The following NSD1 variants were observed in gnomAD, a reference collection of about 807,000 sequenced individuals.
The protein encoded by NSD1 is nuclear receptor binding SET domain protein 1.
A neutral mutation model predicts 242.7 loss-of-function variants in NSD1; 26 were observed. That is an observed-to-expected ratio of 0.11 (90% confidence interval 0.08 to 0.15). NSD1 has a LOEUF of 0.15. Among genes scored for constraint, NSD1 ranks in the 10% least tolerant of loss-of-function variants. NSD1 has a pLI of 1.00. For missense variants in NSD1, 2,495 were observed against 3,272.8 expected (o/e 0.76, Z 5.80); for synonymous variants, 1,106 against 1,178.1 (o/e 0.94, Z 1.25).
At chr5:177,144,772 C>T (rs901491827) in intron 2 of NSD1, among the ~76,000 whole-genome samples, 2 of 152,086 alleles carry the variant, frequency 1.3e-5, no homozygotes, top group African/African-American at 4.8e-5. Context: ...TTCCTATGAA[C>T]CTTTTTGAAT....
At chr5:177,157,594 A>G (rs764846056) in intron 2 of NSD1, among the ~76,000 whole-genome samples, 6 of 152,120 alleles carry the variant, frequency 3.9e-5, no homozygotes, top group Non-Finnish European at 7.3e-5. Context: ...CCTACTCAGG[A>G]CGCTGAGTCT....
intron 2 of NSD1, among the ~76,000 whole-genome samples, chr5:177,188,217 G>A (rs377670829): frequency 6.6e-6 from 1 of 152,168 alleles, no homozygotes; most frequent in African/African-American, 2.4e-5. Flanking sequence ...GTCTCTGCAA[G>A]ATAAAATTTT....
intron 16 of NSD1, among the ~76,000 whole-genome samples, chr5:177,271,767 CTGGG>C (rs1757958847): frequency 6.6e-6 from 1 of 151,984 alleles, no homozygotes; most frequent in Non-Finnish European, 1.5e-5. Context: ...AAACTTTAGC[CTGGG>C]ACATTGTTGG....
In NSD1 at chr5:177,291,995, G is replaced by A. The variant is rs1759873002; in HGVS notation, c.6300G>A (p.Lys2100=). Residue 2100 remains lysine (K), a synonymous_variant, in exon 22 of 23, where the codon AAG becomes AAA. Coordinates refer to ENST00000439151, the MANE Select transcript of NSD1 (RefSeq NM_022455.5). The part of the protein sequence containing the change: ...IATEEKSKKF[K]KKQQGKRRTQ... Reference sequence around the variant, plus strand: ...CGGAAGAAAAGTCAAAGAAATTCAAGAAGAAGCAACAGGGAAAGCGCAGGA... The same window carrying A: ...CGGAAGAAAAGTCAAAGAAATTCAAAAAGAAGCAACAGGGAAAGCGCAGGA... 4.3e-6 allele frequency: 7 copies of A among 1,613,996 alleles called. No individual in the cohort carries two copies. The highest frequency in any genetic ancestry group is 5.9e-6 in the Non-Finnish European group (7 of 1,179,924).
At chr5:177,137,942 G>T (rs1756475059) in intron 2 of NSD1, among the ~76,000 whole-genome samples, 1 of 151,966 alleles carries the variant, frequency 6.6e-6, no homozygotes, top group Non-Finnish European at 1.5e-5. Context: ...GGGCGTGATG[G>T]TGGGCAACTG....
chr5:177,294,265 C>T lies in NSD1; in HGVS notation c.6897C>T (p.Leu2299=), dbSNP rs768193868. 37 of 1,613,450 alleles carry T rather than the reference C, an allele frequency of 2.3e-5. No individual in the cohort carries two copies. The highest frequency in any genetic ancestry group is 4.5e-5 in the East Asian group (2 of 44,898). ...RPQPLDKVRD[L]AGSGTKSQSL... is the part of the protein sequence containing the mutation. ...AGCCTTTAGATAAGGTCAGAGACCT[C>T]GCTGGGTCAGGGACCAAATCCCAAT... Residue 2299 remains leucine (L), a synonymous_variant, in exon 23 of 23, where the codon CTC becomes CTT. Coordinates refer to ENST00000439151, the MANE Select transcript of NSD1 (RefSeq NM_022455.5).
intron 12 of NSD1, among the ~76,000 whole-genome samples, chr5:177,254,788 T>G (rs1347777696): frequency 2.7e-5 from 1 of 37,690 alleles, no homozygotes; most frequent in Non-Finnish European, 6.2e-5. Flanking sequence ...CTGTGATGTG[T>G]TTTGTATTAA....
At chr5:177,186,051 A>AC (rs1761182524) in intron 2 of NSD1, among the ~76,000 whole-genome samples, 2 of 102,234 alleles carry the variant, frequency 2.0e-5, no homozygotes. Context: ...TATAATATAT[A>AC]ATATAACATA....
Position 177,210,498 on chromosome 5 carries a change from A to G in NSD1, c.2099A>G (p.Gln700Arg), listed in dbSNP as rs2149844607. 2 of 1,614,252 alleles carry G rather than the reference A, an allele frequency of 1.2e-6. No homozygotes were observed. Among genetic ancestry groups the G allele is most frequent in the Middle Eastern group, 1.6e-4 (1 of 6,062 alleles). Residue 700 changes from glutamine to arginine, a missense_variant, in exon 5 of 23, where the codon CAG becomes CGG. Around this residue, in one of 19 missense-constraint regions of NSD1, gnomAD observed 515 missense variants for 467.0 expected, o/e 1.10. Transcript: ENST00000439151. ...AATNTRVKAK[Q>R]KPLISNSHTD... ...ACAAACACTAGGGTAAAAGCAAAACAGAAGCCTCTCATTAGTAACTCACAT... is the reference window on the plus strand; with the variant it reads ...ACAAACACTAGGGTAAAAGCAAAACGGAAGCCTCTCATTAGTAACTCACAT...
At chr5:177,275,435 C>CTT (rs749631943) in intron 17 of NSD1, among the ~76,000 whole-genome samples, 13,555 of 50,138 alleles carry the variant, frequency 0.27, 5,717 homozygotes, top group Non-Finnish European at 0.36. Context: ...CTTCCCTTGT[C>CTT]TTTTTTTTTT....
rs111663030 is a variant in NSD1, at chr5:177,212,217, A to T, written c.3796+22A>T. 1,193 of 857,108 alleles carry T rather than the reference A, an allele frequency of 1.4e-3. 1 individual carries two copies. The highest frequency in any genetic ancestry group is 1.8e-3 in the Non-Finnish European group (1,078 of 601,422). 53.1% of individuals were successfully genotyped at this position (857,108 alleles called of 1,614,324 possible). On this transcript the variant is annotated intron_variant, in intron 5 of 22. Transcript: ENST00000439151. ...CCAGGTAAGGACATCTAAATGTGAT[A>T]AAAAAAAAAAAATTGGAGAAAGTGC...
intron 2 of NSD1, among the ~76,000 whole-genome samples, chr5:177,176,879 G>A (rs1760250822): frequency 6.6e-6 from 1 of 152,094 alleles, no homozygotes; most frequent in African/African-American, 2.4e-5. Flanking sequence ...TCCATTTCTT[G>A]GGGATCAGTC....
intron 3 of NSD1, among the ~76,000 whole-genome samples, chr5:177,196,475 A>C (rs1486571922): frequency 6.6e-6 from 1 of 152,218 alleles, no homozygotes; most frequent in East Asian, 1.9e-4. Flanking sequence ...CATCTGATGT[A>C]GTAATGCATT....
chr5:177,273,380 A>G (rs183739995), intron 16 of NSD1, among the ~76,000 whole-genome samples: 4 of 152,118 alleles, frequency 2.6e-5, no homozygotes, highest in African/African-American at 9.6e-5. Context: ...ATAAGCAAAA[A>G]AGTTCTCGTA....
chr5:177,138,988 G>T (rs1178204192), intron 2 of NSD1, among the ~76,000 whole-genome samples: 2 of 148,312 alleles, frequency 1.3e-5, no homozygotes, highest in Non-Finnish European at 3.0e-5. Context: ...GGTGGCTCAC[G>T]CCTGTAATCC....
In NSD1 at chr5:177,280,853, A is replaced by G. The variant is rs560916369; in HGVS notation, c.5892+19A>G. 6.2e-7 allele frequency: 1 copy of G among 1,613,552 alleles called. No individual in the cohort carries two copies. The highest frequency in any genetic ancestry group is 2.2e-5 in the East Asian group (1 of 44,884). ...TAAAAAGGTTAGAAAAAGCTAAATT[A>G]CCATATACTTTCTCCTCTTTGCAGT... On this transcript the variant is annotated intron_variant, in intron 18 of 22. Transcript: ENST00000439151.
At chr5:177,159,386 G>A (rs1474906990) in intron 2 of NSD1, among the ~76,000 whole-genome samples, 7 of 151,472 alleles carry the variant, frequency 4.6e-5, no homozygotes, top group African/African-American at 1.5e-4. Flanking sequence ...TGGTTCAAGC[G>A]ATTCCGGTGC....
chr5:177,255,663 A>G (rs1221935131), intron 12 of NSD1, among the ~76,000 whole-genome samples: 1 of 151,564 alleles, frequency 6.6e-6, no homozygotes, highest in Non-Finnish European at 1.5e-5. Flanking sequence ...GCTCACTGCA[A>G]CCTCCACCTC....
intron 2 of NSD1, among the ~76,000 whole-genome samples, chr5:177,171,768 T>A (rs1177003433): frequency 1.3e-5 from 2 of 152,254 alleles, no homozygotes; most frequent in Admixed American, 6.5e-5. Flanking sequence ...GGTTTTTGCA[T>A]GTTGTAGTGT....
Sources: allele counts gnomAD v4.1 joint callset (sites outside exome capture counted in the v4.1 genomes callset), GRCh38; gene constraint gnomAD v4.1.1; regional missense constraint gnomAD v4.1.1; transcripts MANE v1.5; gene names NCBI Gene and HGNC (gene_info 2026-07-23, HGNC 2026-07-21).